The following C22orf31 variants were observed in gnomAD, a reference collection of about 807,000 sequenced individuals.
C22orf31 encodes the protein uncharacterized protein C22orf31.
Under a neutral mutation model 15.0 loss-of-function variants are expected in C22orf31, and 11 were observed. The observed-to-expected ratio is 0.73, with a 90% CI of 0.46 to 1.21. C22orf31 has a LOEUF of 1.21. Ranked by LOEUF, C22orf31 falls within the 50% of genes most tolerant of loss-of-function variation. The pLI, the probability that C22orf31 is intolerant of heterozygous loss-of-function variation, is 0.00. For synonymous variants in C22orf31, 132 were observed against 133.3 expected (o/e 0.99, Z 0.07); for missense variants, 340 against 347.2 (o/e 0.98, Z 0.17).
At chr22:29,063,289 C>A (rs1475458016), upstream of C22orf31, among the ~76,000 whole-genome samples, 1 of 152,154 alleles carries the variant, frequency 6.6e-6, no homozygotes, top group Non-Finnish European at 1.5e-5. Flanking sequence ...CATCAGCCAC[C>A]CAAGACGCTG....
chr22:29,061,322 A>AATGGCG (rs2037389288), intron 1 of C22orf31, among the ~76,000 whole-genome samples: 1 of 152,062 alleles, frequency 6.6e-6, no homozygotes, highest in African/African-American at 2.4e-5. Context: ...GCTGGAGTGC[A>AATGGCG]ATGGCGTGAT....
At chr22:29,068,649 A>G in the C22orf31 span, among the ~76,000 whole-genome samples, 71,336 of 151,134 alleles carry the variant, frequency 0.47, 17,554 homozygotes, top group Middle Eastern at 0.62. Context: ...TGACCTCATG[A>G]TCTGCCCACC....
At chr22:29,059,674 G>T (rs1240292258) in intron 2 of C22orf31, 5 of 983,536 alleles carry the variant, frequency 5.1e-6, no homozygotes, top group Middle Eastern at 5.2e-4. Context: ...CCACCACGGG[G>T]TAACATACCT....
At chr22:29,068,307 C>G in the C22orf31 span, among the ~76,000 whole-genome samples, 54 of 151,962 alleles carry the variant, frequency 3.6e-4, no homozygotes, top group Non-Finnish European at 3.1e-4. Flanking sequence ...CCAGGCTGGT[C>G]TCGAACTCCT....
chr22:29,070,658 C>T, the C22orf31 span, among the ~76,000 whole-genome samples: 1 of 152,150 alleles, frequency 6.6e-6, no homozygotes, highest in South Asian at 2.1e-4. Flanking sequence ...ATCCAGGAGG[C>T]TGAAGCGGGA....
chr22:29,073,736 C>T, the C22orf31 span, among the ~76,000 whole-genome samples: 7 of 151,662 alleles, frequency 4.6e-5, no homozygotes, highest in African/African-American at 1.7e-4. The surrounding 1 kb of genome is among the most constrained non-coding windows in gnomAD (Gnocchi z 4.4). Context: ...CCCAGCGACT[C>T]CCCACGGGCC....
chr22:29,072,292 A>G, the C22orf31 span, among the ~76,000 whole-genome samples: 2 of 151,740 alleles, frequency 1.3e-5, no homozygotes, highest in South Asian at 2.1e-4. Context: ...CCACTGAGTT[A>G]TTTATTTTTT....
intron 2 of C22orf31, chr22:29,059,704 G>A (rs185138786): frequency 1.6e-5 from 15 of 958,972 alleles, no homozygotes; most frequent in East Asian, 2.5e-4. Flanking sequence ...TCAGGCCTTC[G>A]TAGGCCAAGT....
chr22:29,073,283 A>G, the C22orf31 span: 1 of 788,978 alleles, frequency 1.3e-6, no homozygotes, highest in Non-Finnish European at 1.6e-6. This position sits in a 1 kb window ranked among gnomAD's most constrained non-coding sequence, Gnocchi z 4.4. Context: ...TCGAGGGGCG[A>G]CAAGGGCCGG....
chr22:29,059,059 G>A lies in C22orf31; in HGVS notation c.556C>T (p.Arg186Ter), dbSNP rs781233120. 1.1e-5 allele frequency: 17 copies of A among 1,614,070 alleles called. No homozygotes were observed. Among genetic ancestry groups the A allele is most frequent in the African/African-American group, 9.3e-5 (7 of 74,926 alleles). The change falls in exon 3 of 3, where the codon CGA becomes TGA. Residue 186 changes from arginine to a stop codon, truncating the protein, a stop_gained. Coordinates refer to ENST00000216071, the MANE Select transcript of C22orf31 (RefSeq NM_015370.2). LOFTEE classifies it low-confidence loss of function (END_TRUNC). Reference protein sequence around the residue: ...QDSGTAAWKGRVLLPETQKRQ... With the variant: ...QDSGTAAWKG ...TTTTGGGTTTCAGGAAGCAACACTC[G>A]GCCCTTCCAGGCTGCTGTCCCACTG... is the stretch of plus-strand genomic sequence containing the variant.
chr22:29,067,217 C>G, the C22orf31 span, among the ~76,000 whole-genome samples: 4 of 151,468 alleles, frequency 2.6e-5, no homozygotes, highest in Admixed American at 2.6e-4. Context: ...ATACTATTTA[C>G]TAAATATATT....
At position 29,060,482 on chromosome 22, in the gene C22orf31, C is replaced by T; in HGVS notation, c.365G>A (p.Arg122Lys). 1 of 1,614,088 alleles carries T rather than the reference C, an allele frequency of 6.2e-7. No homozygotes were observed. The highest frequency in any genetic ancestry group is 8.5e-7 in the Non-Finnish European group (1 of 1,180,034). ...VMKATQQARK[R>K]NFISSKSKQP... ...CTTGCTCTTGGAACTGATGAAGTTT[C>T]TTTTCCTGGCCTGCTGGGTGGCTTT... Residue 122 changes from arginine (R) to lysine (K), a missense_variant, in exon 2 of 3, where the codon AGA becomes AAA. Coordinates refer to ENST00000216071, the MANE Select transcript of C22orf31 (RefSeq NM_015370.2).
At chr22:29,073,412 C>A in the C22orf31 span, among the ~76,000 whole-genome samples, 3 of 151,694 alleles carry the variant, frequency 2.0e-5, no homozygotes, top group Admixed American at 6.6e-5. The surrounding 1 kb of genome is among the most constrained non-coding windows in gnomAD (Gnocchi z 4.4). Context: ...ACCCCCAGGC[C>A]CGTCATCGAC....
At chr22:29,069,943 C>CTTTTTTTTT in the C22orf31 span, among the ~76,000 whole-genome samples, 1 of 96,534 alleles carries the variant, frequency 1.0e-5, no homozygotes, top group Non-Finnish European at 2.0e-5. Flanking sequence ...TCTTGAAATT[C>CTTTTTTTTT]TTTTTTTTTT....
chr22:29,072,394 G>A, the C22orf31 span, among the ~76,000 whole-genome samples: 3 of 151,356 alleles, frequency 2.0e-5, no homozygotes, highest in Admixed American at 6.6e-5. Flanking sequence ...CCAAAGTGCT[G>A]GGATCACAGG....
upstream of C22orf31, among the ~76,000 whole-genome samples, chr22:29,063,332 A>G (rs1320870992): frequency 1.3e-5 from 2 of 152,026 alleles, no homozygotes; most frequent in African/African-American, 4.8e-5. Context: ...AGCCCAGCTA[A>G]TTTTTGTATT....
the C22orf31 span, among the ~76,000 whole-genome samples, chr22:29,068,601 G>T: frequency 6.6e-6 from 1 of 151,254 alleles, no homozygotes; most frequent in South Asian, 2.1e-4. Context: ...TAGTAGAGAC[G>T]GGGTTTCACC....
chr22:29,068,989 C>T, the C22orf31 span, among the ~76,000 whole-genome samples: 1 of 151,806 alleles, frequency 6.6e-6, no homozygotes, highest in Non-Finnish European at 1.5e-5. Context: ...GTCTTGAACT[C>T]CTGACCTTGT....
chr22:29,067,068 A>G, the C22orf31 span, among the ~76,000 whole-genome samples: 2 of 152,338 alleles, frequency 1.3e-5, no homozygotes, highest in South Asian at 2.1e-4. Flanking sequence ...GTAATGATAC[A>G]GTGCAGCCTC....
Sources: gnomAD v4.1 joint callset for allele counts (sites outside exome capture counted in the v4.1 genomes callset) on GRCh38, gnomAD v4.1.1 for gene constraint, Gnocchi (gnomAD v3.1) non-coding constraint, MANE v1.5 for transcripts, NCBI Gene and HGNC (gene_info 2026-07-23, HGNC 2026-07-21) for gene names.